PIK3C2B: variants seen among roughly 807,000 people sequenced by gnomAD.
PIK3C2B encodes the protein phosphatidylinositol-4-phosphate 3-kinase catalytic subunit type 2 beta, also known as phosphatidylinositol 4-phosphate 3-kinase C2 domain-containing subunit beta.
Under a neutral mutation model 184.3 loss-of-function variants are expected in PIK3C2B, and 83 were observed. The observed-to-expected ratio is 0.45, with a 90% CI of 0.38 to 0.54. The LOEUF (loss-of-function observed/expected upper bound fraction) is 0.54, where lower values mean the gene tolerates loss of function less well. Among genes scored for constraint, PIK3C2B ranks in the 20% least tolerant of loss-of-function variants. The pLI, the probability that PIK3C2B is intolerant of heterozygous loss-of-function variation, is 0.00. For missense variants in PIK3C2B, 1,736 were observed against 2,113.5 expected, an observed-to-expected ratio of 0.82 and a Z score of 3.50; for synonymous variants, 779 against 837.6, an observed-to-expected ratio of 0.93 and a Z score of 1.21.
intron 11 of PIK3C2B, among the ~76,000 whole-genome samples, chr1:204,455,000 G>A (rs1329024761): frequency 6.6e-6 from 1 of 152,232 alleles, no homozygotes; most frequent in Non-Finnish European, 1.5e-5. Context: ...CCTCTGCTCG[G>A]TTTTAGGCTC....
At position 204,464,146 on chromosome 1, in the gene PIK3C2B, G is replaced by A. The variant is rs770303356; in HGVS notation, c.1190-14C>T. On this transcript the variant is annotated splice_polypyrimidine_tract_variant and intron_variant, in intron 4 of 32. Transcript: ENST00000684373. ...CAGTGGAGGAACCTGTGAAGGGTAA[G>A]GTAGGGGGAGCAATCATGATGGATG... 2.5e-6 allele frequency: 4 copies of A among 1,612,774 alleles called. No homozygotes were observed. The highest frequency in any genetic ancestry group is 1.1e-5 in the South Asian group (1 of 90,920).
chr1:204,442,314 A>G (rs1558241236), intron 20 of PIK3C2B, among the ~76,000 whole-genome samples: 1 of 152,166 alleles, frequency 6.6e-6, no homozygotes. Flanking sequence ...GTGTGGGTAG[A>G]GGAGAGACAG....
chr1:204,448,065 C>A (rs191841480), intron 14 of PIK3C2B, among the ~76,000 whole-genome samples: 1 of 152,328 alleles, frequency 6.6e-6, no homozygotes, highest in African/African-American at 2.4e-5. Flanking sequence ...TGAGCCAAGT[C>A]TCCAAAGGAG....
intron 28 of PIK3C2B, among the ~76,000 whole-genome samples, chr1:204,430,502 C>T (rs1674990476): frequency 1.3e-5 from 2 of 151,856 alleles, no homozygotes; most frequent in Admixed American, 1.3e-4. Flanking sequence ...CACACCACCG[C>T]ACCCAGCTAA....
At chr1:204,455,007 G>C (rs1003692336) in intron 11 of PIK3C2B, among the ~76,000 whole-genome samples, 1 of 152,232 alleles carries the variant, frequency 6.6e-6, no homozygotes, top group African/African-American at 2.4e-5. Context: ...TCGGTTTTAG[G>C]CTCCATTCTG....
At chr1:204,472,570 G>A (rs1471347219) in intron 1 of PIK3C2B, among the ~76,000 whole-genome samples, 12 of 152,030 alleles carry the variant, frequency 7.9e-5, no homozygotes, top group Admixed American at 7.9e-4. Context: ...CCTGAGGTCA[G>A]GAGTTCGAGA....
intron 3 of PIK3C2B, among the ~76,000 whole-genome samples, chr1:204,464,947 T>C (rs1655628980): frequency 6.6e-6 from 1 of 152,144 alleles, no homozygotes; most frequent in South Asian, 2.1e-4. Flanking sequence ...CTGGGGTGCA[T>C]TTGCTCTTAA....
chr1:204,454,162 G>T (rs1212981959), intron 12 of PIK3C2B, among the ~76,000 whole-genome samples: 2 of 151,786 alleles, frequency 1.3e-5, no homozygotes, highest in Non-Finnish European at 2.9e-5. Context: ...TTGAGAAGTG[G>T]TAATTATACT....
rs961995758 is a variant in PIK3C2B, at chr1:204,460,417, G to C, written c.1423-14C>G. The C allele has an allele frequency of 6.2e-7, 1 of 1,608,012 alleles. No individual in the cohort carries two copies. The highest frequency in any genetic ancestry group is 8.5e-7 in the Non-Finnish European group (1 of 1,174,564). The stretch of plus-strand genomic sequence containing the variant: ...GTCATCATTCACCTGTATAAGAAGT[G>C]ACCTATTCAGAGAGGGGCGGTGCCC... On this transcript the variant is annotated splice_polypyrimidine_tract_variant and intron_variant, in intron 6 of 32. Transcript: ENST00000684373.
rs1331068208 is a variant in PIK3C2B, at chr1:204,449,919, T to C, written c.2165A>G (p.Glu722Gly). The C allele has an allele frequency of 6.2e-7, 1 of 1,613,782 alleles. No individual in the cohort carries two copies. Among genetic ancestry groups the C allele is most frequent in the Admixed American group, 1.7e-5 (1 of 59,988 alleles). ...AGGCACCCGCCGCTGCTTATTGGCC[T>C]CTGAGGAGCTCCCCGGTGGGGGGAT... ...LPIPPPGSSS[E>G]ANKQRRVPEA... is the part of the protein sequence containing the mutation. The change falls in exon 13 of 33, where the codon GAG (glutamate) becomes GGG (glycine). Residue 722 changes from glutamate (E) to glycine (G), a missense_variant. By Grantham distance (98) the Glu-to-Gly change is moderately conservative. Transcript: ENST00000684373.
chr1:204,469,647 G>GTTCTGCTTGGCTCTGTTC lies in PIK3C2B; in HGVS notation c.138_155dup (p.Gln51_Asn52insLysAsnArgAlaLysGln). The GTTCTGCTTGGCTCTGTTC allele has an allele frequency of 6.2e-6, 10 of 1,613,712 alleles. No individual in the cohort carries two copies. Among genetic ancestry groups the GTTCTGCTTGGCTCTGTTC allele is most frequent in the Non-Finnish European group, 8.5e-6 (10 of 1,179,824 alleles). ...CCCAGCTGATGAGAGAGGGGTCTGC[G>GTTCTGCTTGGCTCTGTTC]TTCTGCTTGGCTCTGTTCTCCTCCT... On this transcript the variant is annotated inframe_insertion, in exon 2 of 33. Transcript: ENST00000684373.
Position 204,443,480 on chromosome 1 carries a change from C to A in PIK3C2B, c.2985G>T (p.Trp995Cys). 1 of 1,614,242 alleles carries A rather than the reference C, an allele frequency of 6.2e-7. No individual in the cohort carries two copies. The highest frequency in any genetic ancestry group is 8.5e-7 in the Non-Finnish European group (1 of 1,180,050). ...CCAGTTTGGCCAGGGCATTGACAAGCCAGCACTGGCGGTTAAACTCTTCTC... is the reference window on the plus strand; with the variant it reads ...CCAGTTTGGCCAGGGCATTGACAAGACAGCACTGGCGGTTAAACTCTTCTC... ...GLREEFNRQC[W>C]LVNALAKLAQ... is the part of the protein sequence containing the mutation. Residue 995 changes from tryptophan (W) to cysteine (C), a missense_variant, in exon 19 of 33, where the codon TGG (tryptophan) becomes TGT (cysteine). Around this residue, in one of 8 missense-constraint regions of PIK3C2B, gnomAD observed 289 missense variants for 380.4 expected, o/e 0.76. Transcript: ENST00000684373.
In PIK3C2B at chr1:204,429,997, G is replaced by A. The variant is rs777000072; in HGVS notation, c.4322C>T (p.Ala1441Val). ...RFVIGRSRGE[A>V]VAERRREELN... The stretch of plus-strand genomic sequence containing the variant: ...CTCCTCCCTCCGCCGCTCGGCCACC[G>A]CCTCTCCCCGGGAGCGGCCGATCAC... The change falls in exon 29 of 33, where the codon GCG (alanine) becomes GTG (valine). Residue 1441 changes from alanine (A) to valine (V), a missense_variant. By Grantham distance (64) the Ala-to-Val change is moderately conservative. This residue lies in a region of PIK3C2B where 200 missense variants were observed against 199.1 expected (regional missense o/e 1.00). Coordinates refer to ENST00000684373, the MANE Select transcript of PIK3C2B (RefSeq NM_001377334.1). 26 of 1,611,330 alleles carry A rather than the reference G, an allele frequency of 1.6e-5. No individual in the cohort carries two copies. Among genetic ancestry groups the A allele is most frequent in the African/African-American group, 2.7e-5 (2 of 74,910 alleles).
At chr1:204,487,096 C>T (rs980079779) in intron 1 of PIK3C2B, among the ~76,000 whole-genome samples, 19 of 152,042 alleles carry the variant, frequency 1.2e-4, no homozygotes, top group Admixed American at 8.5e-4. Flanking sequence ...TGAGCCACTG[C>T]GCCCAGCCTC....
intron 27 of PIK3C2B, 47 bp from the exon 28 acceptor site, chr1:204,431,840 C>A: frequency 6.2e-7 from 1 of 1,612,564 alleles, no homozygotes; most frequent in Non-Finnish European, 8.5e-7. Flanking sequence ...CCCTCTGCAC[C>A]CAGTGAAGGG....
chr1:204,427,432 G>A (rs942937277), intron 31 of PIK3C2B, among the ~76,000 whole-genome samples: 1 of 152,136 alleles, frequency 6.6e-6, no homozygotes, highest in African/African-American at 2.4e-5. Flanking sequence ...ATGAGGCTCA[G>A]AATGATTAGG....
chr1:204,440,093 C>T lies in PIK3C2B; in HGVS notation c.3379+99G>A. 4 of 1,291,440 alleles carry T rather than the reference C, an allele frequency of 3.1e-6. No homozygotes were observed. In the South Asian group the frequency reaches 4.2e-5, roughly 14 times the overall value. The allele number at this position is 1,291,440 out of a possible 1,614,324, so 80.0% of individuals were successfully genotyped here. ...TCTCATGAAATAATCTTGCCCTTTTCACTTTCCTGGAGGAGGACACAGTTT... is the reference window on the plus strand; with the variant it reads ...TCTCATGAAATAATCTTGCCCTTTTTACTTTCCTGGAGGAGGACACAGTTT... On this transcript the variant is annotated intron_variant, in intron 22 of 32. Coordinates refer to ENST00000684373, the MANE Select transcript of PIK3C2B (RefSeq NM_001377334.1).
chr1:204,427,589 A>G, intron 31 of PIK3C2B, 59 bp downstream of exon 31: 1 of 1,207,004 alleles, frequency 8.3e-7, no homozygotes. Flanking sequence ...GGTCTGCCCA[A>G]AAAAGTAGCT....
intron 19 of PIK3C2B, among the ~76,000 whole-genome samples, chr1:204,442,977 A>G (rs2942126): frequency 0.91 from 138,759 of 152,256 alleles, 64,672 homozygotes; most frequent in East Asian, 1. Context: ...AAATCTCTCA[A>G]TTTTTAAATG....
Sources: allele counts gnomAD v4.1 joint callset (sites outside exome capture counted in the v4.1 genomes callset), GRCh38; gene constraint gnomAD v4.1.1; regional missense constraint gnomAD v4.1.1; transcripts MANE v1.5; gene names NCBI Gene and HGNC (gene_info 2026-07-23, HGNC 2026-07-21).